The following LPP variants were observed in gnomAD, a reference collection of about 807,000 sequenced individuals.
LPP encodes the protein LIM domain containing preferred translocation partner in lipoma, also known as lipoma-preferred partner.
A neutral mutation model predicts 60.4 loss-of-function variants in LPP; 38 were observed. The ratio of observed to expected loss-of-function variants is 0.63; its 90% CI spans 0.49 to 0.83. LPP has a LOEUF of 0.83. Ranked by LOEUF, LPP falls within the 40% of genes least tolerant of loss-of-function variation. The pLI is 0.00. For missense variants in LPP, 902 were observed against 783.6 expected (o/e 1.15, Z -1.80); for synonymous variants, 328 against 290.8 (o/e 1.13, Z -1.30).
rs1158852253 is a variant in LPP at position 188,572,213 on chromosome 3, CAT to C, written c.430-36945_430-36944del. Among the ~76,000 whole-genome samples the C allele has an allele frequency of 2.0e-5, 3 of 151,938 alleles. No homozygotes were observed. The highest frequency in any genetic ancestry group is 4.4e-5 in the Non-Finnish European group (3 of 67,990). On this transcript the variant is annotated intron_variant, in intron 6 of 11. Transcript: ENST00000617246. This position sits in a 1 kb window ranked among gnomAD's most constrained non-coding sequence, Gnocchi z 4.1. ...GCTTTTTATGTATGTAGAGGGGTGA[CAT>C]ATGATAAAAAAACTATGGATAATTT...
intron 6 of LPP, among the ~76,000 whole-genome samples, chr3:188,538,548 T>C (rs1210915682): frequency 6.6e-6 from 1 of 152,178 alleles, no homozygotes; most frequent in Non-Finnish European, 1.5e-5. Flanking sequence ...GTGTTGGCAA[T>C]GTGGTAGAGA....
chr3:188,410,501 T>C (rs1038375118), intron 4 of LPP, among the ~76,000 whole-genome samples: 1 of 152,210 alleles, frequency 6.6e-6, no homozygotes, highest in Non-Finnish European at 1.5e-5. Flanking sequence ...AATAACCATT[T>C]TCTAAAGGGC....
At chr3:188,333,087 ACAT>A (rs1760604133) in intron 2 of LPP, among the ~76,000 whole-genome samples, 1 of 152,226 alleles carries the variant, frequency 6.6e-6, no homozygotes, top group Non-Finnish European at 1.5e-5. Flanking sequence ...CAATGTAAGT[ACAT>A]AAAAATAATC....
intron 7 of LPP, among the ~76,000 whole-genome samples, chr3:188,696,607 G>T (rs1056249720): frequency 6.6e-6 from 1 of 152,124 alleles, no homozygotes; most frequent in Admixed American, 6.5e-5. Flanking sequence ...AACTCACAAA[G>T]TAAATTCTAT....
At chr3:188,729,482 T>C (rs1310956168) in intron 8 of LPP, among the ~76,000 whole-genome samples, 1 of 152,204 alleles carries the variant, frequency 6.6e-6, no homozygotes, top group Non-Finnish European at 1.5e-5. Flanking sequence ...ATAAAGCCAC[T>C]TAATAGGGAA....
rs542336619 is a variant in LPP, at chr3:188,794,211, G to A, written c.1410+33929G>A. ...AATCACCAGGAGAATTTTCTTTTTC[G>A]ATTCTGATGCCTAAATCTCTGCCCT... On this transcript the variant is annotated intron_variant, in intron 9 of 11. Coordinates refer to ENST00000617246, the MANE Select transcript of LPP (RefSeq NM_001375462.1). 3.3e-5 allele frequency among the ~76,000 whole-genome samples: 5 copies of A among 152,234 alleles called. No homozygotes were observed. In the East Asian group the frequency reaches 7.7e-4, roughly 23 times the overall value.
At chr3:188,189,266 T>C (rs1427028855) in intron 1 of LPP, among the ~76,000 whole-genome samples, 2 of 152,144 alleles carry the variant, frequency 1.3e-5, no homozygotes, top group Non-Finnish European at 2.9e-5. Flanking sequence ...TTTGTATTTT[T>C]TAATAGTGAC....
intron 4 of LPP, among the ~76,000 whole-genome samples, chr3:188,424,367 A>G (rs1184186381): frequency 6.6e-6 from 1 of 152,148 alleles, no homozygotes; most frequent in African/African-American, 2.4e-5. Context: ...GCCTTGTAGC[A>G]TAGTTTGAAG....
At chr3:188,812,905 T>C (rs1751456116) in intron 9 of LPP, among the ~76,000 whole-genome samples, 1 of 152,120 alleles carries the variant, frequency 6.6e-6, no homozygotes, top group African/African-American at 2.4e-5. Context: ...CACTTTTTTT[T>C]TTATCCTTTA....
intron 1 of LPP, among the ~76,000 whole-genome samples, chr3:188,172,141 TTTTGTATTAAACAAA>T (rs1721762520): frequency 6.6e-6 from 1 of 152,224 alleles, no homozygotes; most frequent in African/African-American, 2.4e-5. Flanking sequence ...CTTCCTCTTC[TTTTGTATTAAACAAA>T]CTACTCACCT....
At chr3:188,201,947 G>A (rs1373402829) in intron 1 of LPP, among the ~76,000 whole-genome samples, 1 of 151,990 alleles carries the variant, frequency 6.6e-6, no homozygotes, top group Non-Finnish European at 1.5e-5. Context: ...AGGATAGCAG[G>A]TCAAGCAGAG....
At chr3:188,175,126 G>A (rs893101747) in intron 1 of LPP, among the ~76,000 whole-genome samples, 3 of 151,984 alleles carry the variant, frequency 2.0e-5, no homozygotes, top group Admixed American at 6.6e-5. Context: ...TCGCTCTGTC[G>A]CTCAGCCTGG....
At chr3:188,623,233 T>C (rs1846146975) in intron 7 of LPP, among the ~76,000 whole-genome samples, 1 of 150,594 alleles carries the variant, frequency 6.6e-6, no homozygotes, top group African/African-American at 2.4e-5. Flanking sequence ...TTGGTTCATA[T>C]AGCCTCAAAA....
intron 7 of LPP, among the ~76,000 whole-genome samples, chr3:188,615,024 G>C (rs1844586094): frequency 6.6e-6 from 1 of 152,152 alleles, no homozygotes; most frequent in Non-Finnish European, 1.5e-5. Flanking sequence ...TTGAACCATT[G>C]AAATGGCCTC....
At chr3:188,674,641 T>C (rs1037897307) in intron 7 of LPP, among the ~76,000 whole-genome samples, 1 of 152,176 alleles carries the variant, frequency 6.6e-6, no homozygotes, top group Non-Finnish European at 1.5e-5. Context: ...TTGGGCTGGG[T>C]TTCTTCTTTA....
chr3:188,528,266 A>G (rs1821198828), intron 6 of LPP, among the ~76,000 whole-genome samples: 1 of 151,996 alleles, frequency 6.6e-6, no homozygotes, highest in Non-Finnish European at 1.5e-5. Flanking sequence ...TGACCTCGTG[A>G]CTGACCCACT....
chr3:188,437,429 G>A (rs965520726), intron 4 of LPP, among the ~76,000 whole-genome samples: 1 of 152,074 alleles, frequency 6.6e-6, no homozygotes, highest in African/African-American at 2.4e-5. Flanking sequence ...TGGACTTCAG[G>A]TAAGTTTAAA....
chr3:188,394,936 T>A (rs114262109), intron 3 of LPP, among the ~76,000 whole-genome samples: 4 of 152,100 alleles, frequency 2.6e-5, no homozygotes, highest in African/African-American at 9.7e-5. Flanking sequence ...ATTGCAAAAC[T>A]AGCCTCTCTT....
chr3:188,372,194 A>G (rs1217238002), intron 3 of LPP, among the ~76,000 whole-genome samples: 1 of 152,088 alleles, frequency 6.6e-6, no homozygotes, highest in African/African-American at 2.4e-5. Context: ...CTTGACAGCA[A>G]AACTCCTCTC....
Sources: gnomAD v4.1 joint callset for allele counts (sites outside exome capture counted in the v4.1 genomes callset) on GRCh38, gnomAD v4.1.1 for gene constraint, Gnocchi (gnomAD v3.1) non-coding constraint, MANE v1.5 for transcripts, NCBI Gene and HGNC (gene_info 2026-07-23, HGNC 2026-07-21) for gene names.